Variants in GPR65 observed in about 807,000 individuals in gnomAD.
The protein encoded by GPR65 is T-cell death-associated gene 8 protein.
Under a neutral mutation model 0.7 loss-of-function variants are expected in GPR65, and 2 were observed. That is an observed-to-expected ratio of 2.83 (90% CI 1.16 to 8.92). GPR65 has a LOEUF of 8.92. Among genes scored for constraint, GPR65 ranks in the 30% most tolerant of loss-of-function variants. The probability of loss-of-function intolerance (pLI) is 0.04; values close to 1 mark genes in which losing one functional copy is unlikely to be tolerated. For missense variants in GPR65, 379 were observed against 399.4 expected (o/e 0.95, Z 0.43); for synonymous variants, 128 against 146.5 (o/e 0.87, Z 0.91).
intron 1 of GPR65, among the ~76,000 whole-genome samples, chr14:88,007,380 T>A (rs1887608950): frequency 6.6e-6 from 1 of 152,060 alleles, no homozygotes; most frequent in Non-Finnish European, 1.5e-5. Flanking sequence ...ATTATGTATA[T>A]GCCACCCTTT....
Position 88,012,999 on chromosome 14 carries a change from A to G in GPR65, c.*1138A>G, listed in dbSNP as rs1182614994. 1 of 150,640 alleles carries G rather than the reference A, an allele frequency of 6.6e-6. No individual in the cohort carries two copies. The highest frequency in any genetic ancestry group is 1.5e-5 in the Non-Finnish European group (1 of 67,760). 9.3% of individuals were successfully genotyped at this position (150,640 alleles called of 1,614,324 possible). A position where few individuals can be genotyped will look rare whatever the true frequency, so the allele number is the denominator to read the frequency against. On this transcript the variant is annotated 3_prime_UTR_variant, in exon 2 of 2. Coordinates refer to ENST00000267549, the MANE Select transcript of GPR65 (RefSeq NM_003608.4). Reference sequence around the variant, plus strand: ...AATGCATAGACAAATAAATAGTTCTATTATATCTTTCTTTTTGGACTTAGA... The same window carrying G: ...AATGCATAGACAAATAAATAGTTCTGTTATATCTTTCTTTTTGGACTTAGA...
intron 1 of GPR65, among the ~76,000 whole-genome samples, chr14:88,008,208 T>C (rs1439948953): frequency 1.3e-5 from 2 of 152,134 alleles, no homozygotes; most frequent in Non-Finnish European, 1.5e-5. Context: ...ATATCCTAAG[T>C]GTACAGCTTG....
At chr14:88,009,233 C>T (rs186653521) in intron 1 of GPR65, among the ~76,000 whole-genome samples, 4 of 152,014 alleles carry the variant, frequency 2.6e-5, no homozygotes, top group East Asian at 1.9e-4. Flanking sequence ...TCCAGAGCTC[C>T]GGCGCTCACT....
At chr14:88,010,080 C>T (rs1887651051) in intron 1 of GPR65, among the ~76,000 whole-genome samples, 1 of 152,136 alleles carries the variant, frequency 6.6e-6, no homozygotes, top group Non-Finnish European at 1.5e-5. Context: ...AATTTTTTAT[C>T]TTTAGCTGCT....
In GPR65 at chr14:88,011,254, T is replaced by G; in HGVS notation, c.407T>G (p.Leu136Arg). 3 of 1,614,002 alleles carry G rather than the reference T, an allele frequency of 1.9e-6. No individual in the cohort carries two copies. The highest frequency in any genetic ancestry group is 2.5e-6 in the Non-Finnish European group (3 of 1,179,932). The change falls in exon 2 of 2, where the codon CTG (leucine) becomes CGG (arginine). Residue 136 changes from leucine (L) to arginine (R), a missense_variant. Coordinates refer to ENST00000267549, the MANE Select transcript of GPR65 (RefSeq NM_003608.4). ...AGAAGATTTGCACTCATGGTCAGCC[T>G]GTCCATCTGGATATTGGAAACCATC... ...RTRRFALMVSLSIWILETIFN... is the reference protein window; with the variant it reads ...RTRRFALMVSRSIWILETIFN...
chr14:88,011,443 T>A lies in GPR65; in HGVS notation c.596T>A (p.Ile199Asn), dbSNP rs1887678596. The A allele has an allele frequency of 6.2e-7, 1 of 1,614,144 alleles. No individual in the cohort carries two copies. The highest frequency in any genetic ancestry group is 8.5e-7 in the Non-Finnish European group (1 of 1,180,014). ...CTGYAIPLVT[I>N]LICNRKVYQA... ...GGCTATGCAATACCTTTGGTCACCA[T>A]CCTGATCTGCAACCGGAAAGTCTAC... Residue 199 changes from isoleucine to asparagine, a missense_variant, in exon 2 of 2, where the codon ATC becomes AAC. Transcript: ENST00000267549.
intron 1 of GPR65, among the ~76,000 whole-genome samples, chr14:88,007,895 G>C (rs370046380): frequency 5.9e-5 from 9 of 151,704 alleles, no homozygotes; most frequent in African/African-American, 1.2e-4. Flanking sequence ...CTTGTTCAAG[G>C]GGGGATCTGT....
chr14:88,013,491 T>G lies in GPR65; in HGVS notation c.*1630T>G, dbSNP rs1467528457. On this transcript the variant is annotated 3_prime_UTR_variant, in exon 2 of 2. Coordinates refer to ENST00000267549, the MANE Select transcript of GPR65 (RefSeq NM_003608.4). The stretch of plus-strand genomic sequence containing the variant: ...CCTTCTCCTTTTCTCTTTGCTTTCC[T>G]TTTCTTGCCTGTTCTTTCCACTCCC... 1 of 152,252 alleles carries G rather than the reference T, an allele frequency of 6.6e-6. No individual in the cohort carries two copies. Among genetic ancestry groups the G allele is most frequent in the Non-Finnish European group, 1.5e-5 (1 of 68,064 alleles). The allele number at this position is 152,252 out of a possible 1,614,324, so 9.4% of individuals were successfully genotyped here. A position where few individuals can be genotyped will look rare whatever the true frequency, so the allele number is the denominator to read the frequency against.
In GPR65 at chr14:88,006,348, A is replaced by G. The variant is rs564613673; in HGVS notation, c.-460+1126A>G. ...TTAGAAACTGGGTACTAACTTACAC[A>G]TGTGAAAACTGGAACTTAGAGAGGT... On this transcript the variant is annotated intron_variant, in intron 1 of 1. Transcript: ENST00000267549. Among the ~76,000 whole-genome samples the G allele has an allele frequency of 2.0e-5, 3 of 152,292 alleles. No individual in the cohort carries two copies. The East Asian group carries it at 5.8e-4, about 29-fold the overall frequency.
rs1325281527 is a variant in GPR65, at chr14:88,014,162, A to T, written c.*2301A>T. On this transcript the variant is annotated 3_prime_UTR_variant, in exon 2 of 2. Coordinates refer to ENST00000267549, the MANE Select transcript of GPR65 (RefSeq NM_003608.4). ...GGTCATTTCATTTGGCTTAAATTCC[A>T]TGTGTCTTTCCAAACTTTTAAAAGC... 1 of 152,242 alleles carries T rather than the reference A, an allele frequency of 6.6e-6. No homozygotes were observed. 9.4% of individuals were successfully genotyped at this position (152,242 alleles called of 1,614,324 possible). A position where few individuals can be genotyped will look rare whatever the true frequency, so the allele number is the denominator to read the frequency against.
chr14:88,014,216 A>C lies in GPR65; in HGVS notation c.*2355A>C, dbSNP rs1183037667. ...TGAAAATTGTTCCACCCATATGTAA[A>C]AGAACATAGGTTAAGTTGTCTAATT... On this transcript the variant is annotated 3_prime_UTR_variant, in exon 2 of 2. Coordinates refer to ENST00000267549, the MANE Select transcript of GPR65 (RefSeq NM_003608.4). 1 of 152,226 alleles carries C rather than the reference A, an allele frequency of 6.6e-6. No individual in the cohort carries two copies. The highest frequency in any genetic ancestry group is 1.5e-5 in the Non-Finnish European group (1 of 68,042). The allele number at this position is 152,226 out of a possible 1,614,324, so 9.4% of individuals were successfully genotyped here.
At position 88,011,063 on chromosome 14, in the gene GPR65, T is replaced by G; in HGVS notation, c.216T>G (p.Asp72Glu). The G allele has an allele frequency of 6.2e-7, 1 of 1,612,526 alleles. No individual in the cohort carries two copies. Among genetic ancestry groups the G allele is most frequent in the Non-Finnish European group, 8.5e-7 (1 of 1,178,566 alleles). The change falls in exon 2 of 2, where the codon GAT becomes GAG. Residue 72 changes from aspartate (D) to glutamate (E), a missense_variant. Coordinates refer to ENST00000267549, the MANE Select transcript of GPR65 (RefSeq NM_003608.4). ...LYALTLPLWI[D>E]YTWNKDNWTF... is the part of the protein sequence containing the mutation. ...CATTAACTCTCCCTTTATGGATTGA[T>G]TATACCTGGAATAAAGACAACTGGA... is the stretch of plus-strand genomic sequence containing the variant.
chr14:88,014,451 T>G lies in GPR65; in HGVS notation c.*2590T>G, dbSNP rs546280011. On this transcript the variant is annotated 3_prime_UTR_variant, in exon 2 of 2. Coordinates refer to ENST00000267549, the MANE Select transcript of GPR65 (RefSeq NM_003608.4). ...ATAATTTTAATTTCTAATTTATTGT[T>G]AGATCTCAGCACTTAAAAAATTACA... The G allele has an allele frequency of 3.9e-5, 6 of 152,340 alleles. No homozygotes were observed. The East Asian group carries it at 1.2e-3, about 29-fold the overall frequency. The allele number at this position is 152,340 out of a possible 1,614,324, so 9.4% of individuals were successfully genotyped here. A position where few individuals can be genotyped will look rare whatever the true frequency, so the allele number is the denominator to read the frequency against.
chr14:88,012,756 T>G lies in GPR65; in HGVS notation c.*895T>G, dbSNP rs1490105316. The G allele has an allele frequency of 6.6e-6, 1 of 152,192 alleles. No individual in the cohort carries two copies. Among genetic ancestry groups the G allele is most frequent in the Non-Finnish European group, 1.5e-5 (1 of 68,038 alleles). 9.4% of individuals were successfully genotyped at this position (152,192 alleles called of 1,614,324 possible). ...ATCACTTGGCTTCATTAACAAATAT[T>G]TATTGAATCCATTCCATAAACTAGG... On this transcript the variant is annotated 3_prime_UTR_variant, in exon 2 of 2. Coordinates refer to ENST00000267549, the MANE Select transcript of GPR65 (RefSeq NM_003608.4).
At chr14:88,007,310 A>G (rs909900175) in intron 1 of GPR65, among the ~76,000 whole-genome samples, 3 of 152,138 alleles carry the variant, frequency 2.0e-5, no homozygotes, top group African/African-American at 7.2e-5. Flanking sequence ...TAGAAAGCTC[A>G]TCATCTTTGT....
Position 88,011,491 on chromosome 14 carries a change from C to T in GPR65, c.644C>T (p.Ala215Val), listed in dbSNP as rs1450703159. Residue 215 changes from alanine to valine, a missense_variant, in exon 2 of 2, where the codon GCC becomes GTC. Physicochemically the swap from Ala to Val is moderately conservative, Grantham distance 64. Coordinates refer to ENST00000267549, the MANE Select transcript of GPR65 (RefSeq NM_003608.4). ...TACCAAGCTGTGCGGCACAATAAAGCCACGGAAAACAAGGAAAAGAAGAGA... is the reference window on the plus strand; with the variant it reads ...TACCAAGCTGTGCGGCACAATAAAGTCACGGAAAACAAGGAAAAGAAGAGA... Reference protein sequence around the residue: ...KVYQAVRHNKATENKEKKRII... With the variant: ...KVYQAVRHNKVTENKEKKRII... 3 of 1,614,022 alleles carry T rather than the reference C, an allele frequency of 1.9e-6. No homozygotes were observed. The highest frequency in any genetic ancestry group is 1.7e-6 in the Non-Finnish European group (2 of 1,179,984).
Position 88,014,331 on chromosome 14 carries a change from T to C in GPR65, c.*2470T>C, listed in dbSNP as rs1044526400. 3 of 152,216 alleles carry C rather than the reference T, an allele frequency of 2.0e-5. No homozygotes were observed. The highest frequency in any genetic ancestry group is 7.2e-5 in the African/African-American group (3 of 41,456). 9.4% of individuals were successfully genotyped at this position (152,216 alleles called of 1,614,324 possible). On this transcript the variant is annotated 3_prime_UTR_variant, in exon 2 of 2. Coordinates refer to ENST00000267549, the MANE Select transcript of GPR65 (RefSeq NM_003608.4). ...AAAGAGTGGCCAACTTTCATATAAATAGAAAGAGAACATTTAAGCTATATG... is the reference window on the plus strand; with the variant it reads ...AAAGAGTGGCCAACTTTCATATAAACAGAAAGAGAACATTTAAGCTATATG...
rs372888213 is a variant in GPR65 at position 88,008,193 on chromosome 14, T to C, written c.-459-2196T>C. ...GCAATACAATACACATGCAGCAAAATGCACATATCCTAAGTGTACAGCTTG... is the reference window on the plus strand; with the variant it reads ...GCAATACAATACACATGCAGCAAAACGCACATATCCTAAGTGTACAGCTTG... On this transcript the variant is annotated intron_variant, in intron 1 of 1. Coordinates refer to ENST00000267549, the MANE Select transcript of GPR65 (RefSeq NM_003608.4). Among the ~76,000 whole-genome samples, 5 of 152,154 alleles carry C rather than the reference T, an allele frequency of 3.3e-5. No individual in the cohort carries two copies. In the South Asian group the frequency reaches 8.3e-4, roughly 25 times the overall value.
intron 1 of GPR65, among the ~76,000 whole-genome samples, chr14:88,007,154 T>C (rs974522256): frequency 6.6e-6 from 1 of 152,164 alleles, no homozygotes; most frequent in Non-Finnish European, 1.5e-5. Flanking sequence ...ACTGCAATTT[T>C]ATTGCAATGT....
Sources: gnomAD v4.1 joint callset for allele counts (sites outside exome capture counted in the v4.1 genomes callset) on GRCh38, gnomAD v4.1.1 for gene constraint, MANE v1.5 for transcripts, NCBI Gene and HGNC (gene_info 2026-07-23, HGNC 2026-07-21) for gene names.